The following RPS6KA2 variants were observed in gnomAD, a reference collection of about 807,000 sequenced individuals.
RPS6KA2 encodes the protein ribosomal protein S6 kinase A2.
Under a neutral mutation model 91.8 loss-of-function variants are expected in RPS6KA2, and 42 were observed. The observed-to-expected ratio is 0.46, with a 90% CI of 0.36 to 0.59. The LOEUF is 0.59. Among genes scored for constraint, RPS6KA2 ranks in the 20% least tolerant of loss-of-function variants. The pLI, the probability that RPS6KA2 is intolerant of heterozygous loss-of-function variation, is 0.00. For missense variants in RPS6KA2, 798 were observed against 978.5 expected, an observed-to-expected ratio of 0.82 and a Z score of 2.46; for synonymous variants, 414 against 393.6, an observed-to-expected ratio of 1.05 and a Z score of -0.61.
intron 2 of RPS6KA2, among the ~76,000 whole-genome samples, chr6:166,827,094 T>C (rs1185697237): frequency 6.6e-6 from 1 of 152,010 alleles, no homozygotes; most frequent in Non-Finnish European, 1.5e-5. Context: ...GTAAAGGTTG[T>C]TAAAGTTGTC....
At chr6:166,446,079 T>G in intron 14 of RPS6KA2, among the ~76,000 whole-genome samples, 1 of 152,256 alleles carries the variant, frequency 6.6e-6, no homozygotes. Context: ...AACCGCACAG[T>G]GCTCTGCACT....
Position 166,700,560 on chromosome 6 carries a change from C to T in RPS6KA2, c.123+157640G>A, listed in dbSNP as rs111411049. On this transcript the variant is annotated intron_variant, in intron 2 of 21. Coordinates refer to the RPS6KA2 transcript ENST00000503859. ...CCCGAGGTAGTTGAGTAAAAATGCA[C>T]GTTTTATACCCCTGTCAACACCGTT... 9.6e-3 allele frequency among the ~76,000 whole-genome samples: 1,456 copies of T among 152,124 alleles called. 9 individuals are homozygous for T. Among genetic ancestry groups the T allele is most frequent in the Non-Finnish European group, 0.012 (832 of 68,002 alleles).
chr6:166,690,023 G>C (rs764788438), intron 2 of RPS6KA2, among the ~76,000 whole-genome samples: 1 of 152,186 alleles, frequency 6.6e-6, no homozygotes, highest in Non-Finnish European at 1.5e-5. Context: ...GCACGGTCCC[G>C]CAATCCCACC....
intron 2 of RPS6KA2, among the ~76,000 whole-genome samples, chr6:166,812,980 G>T (rs879607606): frequency 6.6e-6 from 1 of 152,088 alleles, no homozygotes; most frequent in South Asian, 2.1e-4. Context: ...GCCTCATGGG[G>T]TTTTTTCTCC....
intron 13 of RPS6KA2, among the ~76,000 whole-genome samples, chr6:166,449,167 C>T (rs1042844273): frequency 6.6e-6 from 1 of 152,188 alleles, no homozygotes; most frequent in Non-Finnish European, 1.5e-5. Flanking sequence ...GAAGTGCTGG[C>T]AGCTGCTGGG....
intron 2 of RPS6KA2, among the ~76,000 whole-genome samples, chr6:166,803,113 A>G (rs1350210007): frequency 6.6e-6 from 1 of 152,216 alleles, no homozygotes; most frequent in African/African-American, 2.4e-5. Flanking sequence ...AATCTAAGAA[A>G]AAAGGACATT....
chr6:166,843,571 C>T (rs183990281), intron 2 of RPS6KA2, among the ~76,000 whole-genome samples: 50 of 152,328 alleles, frequency 3.3e-4, no homozygotes, highest in Admixed American at 8.5e-4. Context: ...AGCTGAAAGA[C>T]GTGAAGACGG....
intron 1 of RPS6KA2, among the ~76,000 whole-genome samples, chr6:166,613,647 T>C (rs1433793955): frequency 6.6e-6 from 1 of 152,208 alleles, no homozygotes; most frequent in Non-Finnish European, 1.5e-5. Flanking sequence ...GCTAGCTCAG[T>C]TTCTTCTCTG....
chr6:166,676,317 CAAAAAAAAA>C (rs34321063), intron 2 of RPS6KA2, among the ~76,000 whole-genome samples: 1 of 127,410 alleles, frequency 7.8e-6, no homozygotes, highest in Non-Finnish European at 1.7e-5. Flanking sequence ...GACTCTGTCT[CAAAAAAAAA>C]AAAAAAAAAT....
At chr6:166,569,861 G>T (rs1184232537) in intron 1 of RPS6KA2, among the ~76,000 whole-genome samples, 1 of 152,140 alleles carries the variant, frequency 6.6e-6, no homozygotes, top group Non-Finnish European at 1.5e-5. Flanking sequence ...CGTCCTTCAG[G>T]ACTGCTGGCC....
intron 2 of RPS6KA2, among the ~76,000 whole-genome samples, chr6:166,713,826 C>G (rs557016568): frequency 6.6e-6 from 1 of 152,336 alleles, no homozygotes; most frequent in East Asian, 1.9e-4. Flanking sequence ...GCAGAGACGA[C>G]TGGGGTCATG....
In RPS6KA2 at chr6:166,418,270, A is replaced by G. The variant is rs1158578861; in HGVS notation, c.1893T>C (p.Tyr631=). 6.2e-7 allele frequency: 1 copy of G among 1,614,096 alleles called. No homozygotes were observed. The highest frequency in any genetic ancestry group is 1.1e-5 in the South Asian group (1 of 91,076). The change falls in exon 19 of 21, where the codon TAT becomes TAC. Residue 631 remains tyrosine (Y), a synonymous_variant. Coordinates refer to ENST00000265678, the MANE Select transcript of RPS6KA2 (RefSeq NM_021135.6). The surrounding 1 kb of genome is among the most constrained non-coding windows in gnomAD (Gnocchi z 4.9). ...AGTCCCAGTTTCCCCCAGAAAGGGC[A>G]TACTTCCCACTGCCGATCCGCGCCA... ...EILARIGSGK[Y]ALSGGNWDSI...
chr6:166,712,604 G>A (rs570801920), intron 2 of RPS6KA2, among the ~76,000 whole-genome samples: 1 of 152,302 alleles, frequency 6.6e-6, no homozygotes, highest in South Asian at 2.1e-4. Flanking sequence ...TGGCAGCCTG[G>A]GGAGAGTGCC....
intron 2 of RPS6KA2, among the ~76,000 whole-genome samples, chr6:166,694,950 A>C (rs1789315919): frequency 6.6e-6 from 1 of 152,236 alleles, no homozygotes; most frequent in Non-Finnish European, 1.5e-5. Context: ...TCTGCTTGTA[A>C]TATCCATTTA....
chr6:166,550,813 T>G (rs182789551), intron 1 of RPS6KA2, among the ~76,000 whole-genome samples: 1 of 151,894 alleles, frequency 6.6e-6, no homozygotes, highest in Non-Finnish European at 1.5e-5. Flanking sequence ...CCATCCTGGC[T>G]AACACGGTGA....
intron 3 of RPS6KA2, among the ~76,000 whole-genome samples, chr6:166,530,397 G>A (rs1393957739): frequency 2.0e-5 from 3 of 152,204 alleles, no homozygotes; most frequent in Non-Finnish European, 4.4e-5. Flanking sequence ...CCTTCTGCAG[G>A]AACCAGGGGC....
At chr6:166,517,567 C>T (rs985455503) in intron 3 of RPS6KA2, among the ~76,000 whole-genome samples, 8 of 148,514 alleles carry the variant, frequency 5.4e-5, no homozygotes, top group African/African-American at 1.8e-4. Flanking sequence ...GCTCCTCTTC[C>T]CGGGTTCACG....
chr6:166,781,474 G>A (rs1778771199), intron 2 of RPS6KA2, among the ~76,000 whole-genome samples: 1 of 152,204 alleles, frequency 6.6e-6, no homozygotes, highest in African/African-American at 2.4e-5. Context: ...CTTTGGGTGA[G>A]AGGCACCTGG....
chr6:166,625,724 A>G (rs1786848074), intron 1 of RPS6KA2, among the ~76,000 whole-genome samples: 1 of 152,166 alleles, frequency 6.6e-6, no homozygotes. Flanking sequence ...ATTTCTTTCA[A>G]TATTAGACTT....
Sources: allele counts gnomAD v4.1 joint callset (sites outside exome capture counted in the v4.1 genomes callset), GRCh38; gene constraint gnomAD v4.1.1; non-coding constraint Gnocchi (gnomAD v3.1); transcripts MANE v1.5; gene names NCBI Gene and HGNC (gene_info 2026-07-23, HGNC 2026-07-21).